The following IMMP2L variants were observed in gnomAD, a reference collection of about 807,000 sequenced individuals.
IMMP2L encodes mitochondrial inner membrane protease subunit 2.
IMMP2L carries 18 observed loss-of-function variants against 19.3 expected under a neutral mutation model. The observed-to-expected ratio is 0.93, with a 90% CI of 0.64 to 1.38. The LOEUF (loss-of-function observed/expected upper bound fraction) is 1.38. Ranked by LOEUF, IMMP2L falls within the 40% of genes most tolerant of loss-of-function variation. The pLI is 0.00. For synonymous variants in IMMP2L, 76 were observed against 73.0 expected (o/e 1.04, Z -0.21); for missense variants, 233 against 218.2 (o/e 1.07, Z -0.43).
intron 3 of IMMP2L, among the ~76,000 whole-genome samples, chr7:111,079,134 T>C (rs1030111612): frequency 6.6e-6 from 1 of 151,850 alleles, no homozygotes. Flanking sequence ...TTTTTTTTTT[T>C]TGAGACGGAG....
At chr7:110,897,462 G>T (rs1563063717) in intron 4 of IMMP2L, among the ~76,000 whole-genome samples, 1 of 152,092 alleles carries the variant, frequency 6.6e-6, no homozygotes, top group South Asian at 2.1e-4. Context: ...TGCTGGCATA[G>T]GTATAGGAAA....
At chr7:111,203,431 T>C (rs973572746) in intron 3 of IMMP2L, among the ~76,000 whole-genome samples, 18 of 152,004 alleles carry the variant, frequency 1.2e-4, no homozygotes, top group Admixed American at 1.1e-3. Flanking sequence ...GAAGGCAAGA[T>C]AGATACAGAT....
chr7:111,363,364 A>T (rs1283061608), intron 3 of IMMP2L, among the ~76,000 whole-genome samples: 1 of 152,150 alleles, frequency 6.6e-6, no homozygotes, highest in Non-Finnish European at 1.5e-5. Context: ...CTATGCAGAC[A>T]AAAGTTTGAG....
intron 3 of IMMP2L, among the ~76,000 whole-genome samples, chr7:111,270,049 ATGTGTGTCTGTGTGTGTGTG>A (rs1412363499): frequency 1.5e-5 from 2 of 132,882 alleles, no homozygotes; most frequent in African/African-American, 6.0e-5. Flanking sequence ...GTGTGCATGC[ATGTGTGTCTGTGTGTGTGTG>A]TGTGTGTGTG....
At chr7:111,304,670 ATGTGTGTGTGTGTGTGTGTGTG>A (rs147788856) in intron 3 of IMMP2L, among the ~76,000 whole-genome samples, 10 of 126,004 alleles carry the variant, frequency 7.9e-5, no homozygotes, top group Non-Finnish European at 1.3e-4. Context: ...CACATATATA[ATGTGTGTGTGTGTGTGTGTGTG>A]TGTGTGTGTG....
intron 3 of IMMP2L, among the ~76,000 whole-genome samples, chr7:110,989,481 A>G (rs1355497492): frequency 6.8e-6 from 1 of 148,052 alleles, no homozygotes; most frequent in Non-Finnish European, 1.5e-5. Context: ...TAGGAGGTCA[A>G]GGATGTAGTG....
intron 3 of IMMP2L, among the ~76,000 whole-genome samples, chr7:110,984,143 G>A (rs540650946): frequency 2.0e-5 from 3 of 151,864 alleles, no homozygotes; most frequent in Non-Finnish European, 4.4e-5. Context: ...CAGACACATG[G>A]GTTAGTCATA....
At chr7:110,778,239 T>C (rs9886112) in intron 5 of IMMP2L, among the ~76,000 whole-genome samples, 9,670 of 151,964 alleles carry the variant, frequency 0.064, 1,023 homozygotes, top group African/African-American at 0.22. Flanking sequence ...AAACAGACTT[T>C]AAATTTTGTG....
rs919648828 is a variant in IMMP2L at position 110,728,505 on chromosome 7, A to C, written c.409-64784T>G. Among the ~76,000 whole-genome samples the C allele has an allele frequency of 6.6e-6, 1 of 152,194 alleles. No individual in the cohort carries two copies. Among genetic ancestry groups the C allele is most frequent in the African/African-American group, 2.4e-5 (1 of 41,436 alleles). On this transcript the variant is annotated intron_variant, in intron 5 of 5. Coordinates refer to ENST00000405709, the MANE Select transcript of IMMP2L (RefSeq NM_032549.4). The surrounding 1 kb of genome is among the most constrained non-coding windows in gnomAD (Gnocchi z 4.6). ...CAGAGTGAGACTCCGTCTCAAAAAA[A>C]TAAATAAAATAAAATAAAATAACAA...
intron 3 of IMMP2L, among the ~76,000 whole-genome samples, chr7:111,209,485 C>G (rs534059074): frequency 1.1e-4 from 16 of 151,558 alleles, no homozygotes; most frequent in African/African-American, 3.9e-4. Flanking sequence ...TGGTAAAACT[C>G]ATATTTACAT....
intron 3 of IMMP2L, among the ~76,000 whole-genome samples, chr7:111,007,635 A>C (rs2129562595): frequency 6.6e-6 from 1 of 152,220 alleles, no homozygotes; most frequent in African/African-American, 2.4e-5. Flanking sequence ...CATGTGTTTG[A>C]ATACCACTGA....
At chr7:110,774,751 G>C (rs1464979722) in intron 5 of IMMP2L, among the ~76,000 whole-genome samples, 3 of 151,960 alleles carry the variant, frequency 2.0e-5, no homozygotes, top group Non-Finnish European at 2.9e-5. Flanking sequence ...GTATAGCCTA[G>C]GTGTATAGTA....
At chr7:110,935,177 T>C (rs1220920635) in intron 4 of IMMP2L, among the ~76,000 whole-genome samples, 1 of 152,192 alleles carries the variant, frequency 6.6e-6, no homozygotes, top group Non-Finnish European at 1.5e-5. Flanking sequence ...CAGGAGCTCT[T>C]GTAGGGCAGG....
intron 3 of IMMP2L, among the ~76,000 whole-genome samples, chr7:111,181,877 T>C (rs1042167108): frequency 2.6e-5 from 4 of 152,042 alleles, no homozygotes; most frequent in Admixed American, 2.6e-4. Flanking sequence ...ATAAATTTTG[T>C]AGCTAGCTCA....
intron 3 of IMMP2L, among the ~76,000 whole-genome samples, chr7:111,201,470 C>A (rs1810109908): frequency 6.6e-6 from 1 of 151,900 alleles, no homozygotes; most frequent in Non-Finnish European, 1.5e-5. Context: ...AGTCCCAACA[C>A]TTTGGGAGGC....
At chr7:111,517,447 CAA>C (rs11438855) in intron 2 of IMMP2L, among the ~76,000 whole-genome samples, 7 of 140,508 alleles carry the variant, frequency 5.0e-5, no homozygotes, top group African/African-American at 5.3e-5. Flanking sequence ...GTATCAATTG[CAA>C]AAAAAAAAAA....
chr7:110,784,662 G>T (rs1198066500), intron 5 of IMMP2L, among the ~76,000 whole-genome samples: 1 of 151,894 alleles, frequency 6.6e-6, no homozygotes, highest in African/African-American at 2.4e-5. Flanking sequence ...TCTCAATGAG[G>T]TCTCCAATTC....
At chr7:111,552,551 G>A (rs1450972464) in intron 1 of IMMP2L, among the ~76,000 whole-genome samples, 1 of 152,186 alleles carries the variant, frequency 6.6e-6, no homozygotes, top group Non-Finnish European at 1.5e-5. Flanking sequence ...GCCTCCCAAA[G>A]TGCTGGGATT....
rs1459153108 is a variant in IMMP2L, at chr7:110,825,925, C to T, written c.408+60668G>A. Among the ~76,000 whole-genome samples, 13 of 152,138 alleles carry T rather than the reference C, an allele frequency of 8.5e-5. No individual in the cohort carries two copies. In the East Asian group the frequency reaches 1.4e-3, roughly 16 times the overall value. On this transcript the variant is annotated intron_variant, in intron 5 of 5. Coordinates refer to ENST00000405709, the MANE Select transcript of IMMP2L (RefSeq NM_032549.4). ...AACCTACAGAATGGGAGAAAATTTT[C>T]GCAATCTGGTCATCTGACAAAGGGC...
Sources: gnomAD v4.1 joint callset for allele counts (sites outside exome capture counted in the v4.1 genomes callset) on GRCh38, gnomAD v4.1.1 for gene constraint, Gnocchi (gnomAD v3.1) non-coding constraint, MANE v1.5 for transcripts, NCBI Gene and HGNC (gene_info 2026-07-23, HGNC 2026-07-21) for gene names.